Variants in HFM1 observed in about 807,000 individuals in gnomAD.
The protein encoded by HFM1 is helicase for meiosis 1.
A neutral mutation model predicts 192.1 loss-of-function variants in HFM1; 169 were observed. The ratio of observed to expected loss-of-function variants is 0.88; its 90% CI spans 0.78 to 1.00. HFM1 has a LOEUF of 1.00. HFM1 is among the 50% of genes least tolerant of loss of function. The pLI, the probability that HFM1 is intolerant of heterozygous loss-of-function variation, is 0.00. For synonymous variants in HFM1, 525 were observed against 537.8 expected (o/e 0.98, Z 0.33); for missense variants, 1,661 against 1,668.0 (o/e 1.00, Z 0.07).
At position 91,276,657 on chromosome 1, in the gene HFM1, A is replaced by T; in HGVS notation, c.3559T>A (p.Ser1187Thr). ...LSDLRNRNAV[S>T]SVPPVKRLKI... ...AGACGTTTAACTGGAGGAACAGATG[A>T]AACAGCATTCCTGTTTCTTAAATCA... The change falls in exon 32 of 39, where the codon TCA becomes ACA. Residue 1187 changes from serine to threonine, a missense_variant. By Grantham distance (58) the Ser-to-Thr change is moderately conservative (BLOSUM62 1). Coordinates refer to ENST00000370425, the MANE Select transcript of HFM1 (RefSeq NM_001017975.6). 6.4e-7 allele frequency: 1 copy of T among 1,567,438 alleles called. No homozygotes were observed.
chr1:91,397,003 G>C (rs374800736), intron 2 of HFM1, among the ~76,000 whole-genome samples: 1 of 152,056 alleles, frequency 6.6e-6, no homozygotes, highest in Non-Finnish European at 1.5e-5. Flanking sequence ...GTACATGAGA[G>C]GGCTCTAGGT....
At chr1:91,344,749 T>A (rs1224570721) in intron 19 of HFM1, among the ~76,000 whole-genome samples, 1 of 59,936 alleles carries the variant, frequency 1.7e-5, no homozygotes, top group African/African-American at 7.5e-5. Flanking sequence ...TCTTTTCTTT[T>A]CTTGTTTTTT....
chr1:91,319,344 A>G lies in HFM1; in HGVS notation c.2629T>C (p.Leu877=). The G allele has an allele frequency of 6.2e-7, 1 of 1,613,248 alleles. No individual in the cohort carries two copies. The highest frequency in any genetic ancestry group is 8.5e-7 in the Non-Finnish European group (1 of 1,179,286). ...LGCIPIQDFA[L]TQDTAKIFRH... ...AAAATCTTTGCGGTATCTTGTGTCA[A>G]AGCAAAATCTTGTATGGGAATGCAT... is the stretch of plus-strand genomic sequence containing the variant. The change falls in exon 24 of 39, where the codon TTG becomes CTG. Residue 877 remains leucine (L), a synonymous_variant. Transcript: ENST00000370425.
rs1259934537 is a variant in HFM1, at chr1:91,379,155, G to A, written c.1066C>T (p.Pro356Ser). 1.2e-6 allele frequency: 2 copies of A among 1,607,620 alleles called. No homozygotes were observed. Among genetic ancestry groups the A allele is most frequent in the African/African-American group, 1.3e-5 (1 of 74,484 alleles). Residue 356 changes from proline to serine, a missense_variant, in exon 9 of 39, where the codon CCA (proline) becomes TCA (serine). Physicochemically the swap from Pro to Ser is moderately conservative, Grantham distance 74. Transcript: ENST00000370425. ...AGTTCTTTACAATTCAATCCTATTG[G>A]TCCAAATTTTTCTTTCCAGTCATCA... Reference protein sequence around the residue: ...RFDDWKEKFGPIGLNCKELTG... With the variant: ...RFDDWKEKFGSIGLNCKELTG...
At chr1:91,363,846 T>C (rs2101850846) in intron 13 of HFM1, among the ~76,000 whole-genome samples, 1 of 152,298 alleles carries the variant, frequency 6.6e-6, no homozygotes, top group East Asian at 1.9e-4. Flanking sequence ...TCTGGAATAC[T>C]ACACAGCCGT....
chr1:91,303,772 C>CAT (rs1238365259), intron 30 of HFM1, among the ~76,000 whole-genome samples: 1 of 152,190 alleles, frequency 6.6e-6, no homozygotes, highest in Non-Finnish European at 1.5e-5. Context: ...CAATGTAGAG[C>CAT]ATCTTTTCAT....
intron 30 of HFM1, among the ~76,000 whole-genome samples, chr1:91,298,584 A>T (rs1234988496): frequency 6.6e-6 from 1 of 152,248 alleles, no homozygotes; most frequent in African/African-American, 2.4e-5. Flanking sequence ...CTAACAGCTG[A>T]TCTCTTGGCA....
At chr1:91,296,801 T>C (rs906653284) in intron 30 of HFM1, among the ~76,000 whole-genome samples, 2 of 152,148 alleles carry the variant, frequency 1.3e-5, no homozygotes, top group Non-Finnish European at 2.9e-5. Context: ...AGAATTATAA[T>C]TTTGAGGGGA....
chr1:91,358,115 C>A (rs937923353), intron 13 of HFM1, among the ~76,000 whole-genome samples: 1 of 151,816 alleles, frequency 6.6e-6, no homozygotes, highest in African/African-American at 2.4e-5. Flanking sequence ...TTTGGGATGC[C>A]GAGATGGGTG....
intron 13 of HFM1, among the ~76,000 whole-genome samples, chr1:91,373,542 TG>T (rs1359569075): frequency 3.9e-5 from 6 of 152,026 alleles, no homozygotes; most frequent in Non-Finnish European, 8.8e-5. Flanking sequence ...AGGTGAGGCC[TG>T]GTAGGAGGTG....
chr1:91,364,305 GGT>G (rs1658931468), intron 13 of HFM1, among the ~76,000 whole-genome samples: 1 of 151,834 alleles, frequency 6.6e-6, no homozygotes, highest in Non-Finnish European at 1.5e-5. Flanking sequence ...TACAGGTGAT[GGT>G]GTGGAAAAAA....
intron 20 of HFM1, among the ~76,000 whole-genome samples, chr1:91,330,106 T>A (rs1260599428): frequency 2.0e-5 from 3 of 152,204 alleles, no homozygotes; most frequent in Non-Finnish European, 2.9e-5. Flanking sequence ...GAACTTGCTA[T>A]GTAATTTGTG....
rs766752052 is a variant in HFM1 at position 91,353,114 on chromosome 1, T to C, written c.1768A>G (p.Met590Val). The C allele has an allele frequency of 2.9e-5, 47 of 1,611,136 alleles. No individual in the cohort carries two copies. The highest frequency in any genetic ancestry group is 4.0e-5 in the Non-Finnish European group (47 of 1,178,000). ...ACTACTTTTCTATCTGACAGCTCCA[T>C]ACCAGCATGATGATAAGCAGCACCA... ...KDGAAYHHAG[M>V]ELSDRKVVEG... Residue 590 changes from methionine to valine, a missense_variant, in exon 15 of 39, where the codon ATG (methionine) becomes GTG (valine). By Grantham distance (21) the Met-to-Val change is conservative (BLOSUM62 1). Transcript: ENST00000370425.
At position 91,343,522 on chromosome 1, in the gene HFM1, T is replaced by A; in HGVS notation, c.2255-12A>T. Reference sequence around the variant, plus strand: ...CTTCAAACATAATTCTGTTTAATTATAGAAAACACATTTTAATTTTAGTAA... The same window carrying A: ...CTTCAAACATAATTCTGTTTAATTAAAGAAAACACATTTTAATTTTAGTAA... On this transcript the variant is annotated splice_polypyrimidine_tract_variant and intron_variant, in intron 19 of 38. Coordinates refer to ENST00000370425, the MANE Select transcript of HFM1 (RefSeq NM_001017975.6). The A allele has an allele frequency of 2.8e-6, 3 of 1,087,766 alleles. No individual in the cohort carries two copies. Among genetic ancestry groups the A allele is most frequent in the Non-Finnish European group, 4.0e-6 (3 of 753,276 alleles). 67.4% of individuals were successfully genotyped at this position (1,087,766 alleles called of 1,614,324 possible).
At chr1:91,376,099 T>A (rs571675856) in intron 11 of HFM1, among the ~76,000 whole-genome samples, 5 of 152,160 alleles carry the variant, frequency 3.3e-5, no homozygotes, top group African/African-American at 1.2e-4. Context: ...ATGGCTGACA[T>A]CTCTTTTGTG....
chr1:91,304,662 A>C (rs1451175666), intron 30 of HFM1, among the ~76,000 whole-genome samples: 2 of 148,718 alleles, frequency 1.3e-5, no homozygotes, highest in African/African-American at 2.5e-5. Context: ...TATTTTTAGT[A>C]GAGACAGAGT....
chr1:91,320,136 G>A (rs184321815), intron 23 of HFM1, among the ~76,000 whole-genome samples: 1 of 152,178 alleles, frequency 6.6e-6, no homozygotes, highest in Admixed American at 6.5e-5. Flanking sequence ...TCTCTTAAGG[G>A]GATCTCTTTT....
intron 30 of HFM1, among the ~76,000 whole-genome samples, chr1:91,284,223 A>AATT (rs892204198): frequency 4.6e-5 from 7 of 151,028 alleles, no homozygotes; most frequent in East Asian, 1.9e-4. Context: ...CAACTACATT[A>AATT]ATTATTATTA....
intron 30 of HFM1, among the ~76,000 whole-genome samples, chr1:91,298,599 C>T (rs904819712): frequency 2.0e-5 from 3 of 152,140 alleles, no homozygotes; most frequent in African/African-American, 7.2e-5. Context: ...TTGGCAGAAA[C>T]TCTACAAACC....
Sources: gnomAD v4.1 joint callset for allele counts (sites outside exome capture counted in the v4.1 genomes callset) on GRCh38, gnomAD v4.1.1 for gene constraint, MANE v1.5 for transcripts, NCBI Gene and HGNC (gene_info 2026-07-23, HGNC 2026-07-21) for gene names.